The following XKR9 variants were observed in gnomAD, a reference collection of about 807,000 sequenced individuals.
XKR9 encodes the protein XK related 9, also known as XK-related protein 9.
A neutral mutation model predicts 32.0 loss-of-function variants in XKR9; 32 were observed. The observed-to-expected ratio is 1.00, with a 90% CI of 0.76 to 1.34. XKR9 has a LOEUF of 1.34. XKR9 is among the 40% of genes most tolerant of loss of function. The pLI is 0.00. For missense variants in XKR9, 546 were observed against 429.7 expected (o/e 1.27, Z -2.39); for synonymous variants, 168 against 143.4 (o/e 1.17, Z -1.22).
At chr8:71,009,131 G>A in the XKR9 span, among the ~76,000 whole-genome samples, 2 of 152,080 alleles carry the variant, frequency 1.3e-5, no homozygotes, top group Admixed American at 1.3e-4. Flanking sequence ...GGGATGTGGG[G>A]TCTTGGTGGG....
At chr8:70,899,861 T>C in the XKR9 span, among the ~76,000 whole-genome samples, 1 of 152,232 alleles carries the variant, frequency 6.6e-6, no homozygotes, top group Admixed American at 6.5e-5. Flanking sequence ...ATTTTGTTGC[T>C]AATAACAAAG....
the XKR9 span, among the ~76,000 whole-genome samples, chr8:70,933,868 T>C: frequency 6.6e-6 from 1 of 152,174 alleles, no homozygotes; most frequent in East Asian, 1.9e-4. Flanking sequence ...GGAACTACCA[T>C]TTATGGAGCA....
chr8:70,903,880 C>G, the XKR9 span, among the ~76,000 whole-genome samples: 1,460 of 152,026 alleles, frequency 9.6e-3, 23 homozygotes, highest in Non-Finnish European at 0.016. Context: ...TTATTTGTGC[C>G]TTCATTTCAT....
At chr8:70,951,902 A>G in the XKR9 span, among the ~76,000 whole-genome samples, 1 of 143,188 alleles carries the variant, frequency 7.0e-6, no homozygotes, top group Non-Finnish European at 1.5e-5. Context: ...GGACCCCCCC[A>G]GTGCCCAGAC....
chr8:70,976,680 T>C, the XKR9 span, among the ~76,000 whole-genome samples: 77 of 152,332 alleles, frequency 5.1e-4, 1 homozygote, highest in African/African-American at 1.8e-3. Context: ...TAAAATTCTC[T>C]TTTTTTGTTA....
chr8:70,766,035 T>G (rs1471887812), intron 2 of XKR9, among the ~76,000 whole-genome samples: 3 of 152,138 alleles, frequency 2.0e-5, no homozygotes, highest in Non-Finnish European at 2.9e-5. Flanking sequence ...AGTCAGGTAG[T>G]GTGATGCCTC....
At chr8:70,997,940 C>A in the XKR9 span, among the ~76,000 whole-genome samples, 13 of 152,218 alleles carry the variant, frequency 8.5e-5, no homozygotes, top group South Asian at 2.5e-3. Context: ...ATATTTTAGG[C>A]CATTTGGTGA....
chr8:70,970,394 A>G, the XKR9 span, among the ~76,000 whole-genome samples: 1 of 149,932 alleles, frequency 6.7e-6, no homozygotes, highest in African/African-American at 2.5e-5. Context: ...AGGTATACAC[A>G]TGTCATGGTG....
At chr8:70,777,781 C>G (rs556922959) in intron 2 of XKR9, among the ~76,000 whole-genome samples, 2 of 152,070 alleles carry the variant, frequency 1.3e-5, no homozygotes, top group Non-Finnish European at 2.9e-5. Context: ...TGTTCATATC[C>G]TTTGCCCAAT....
downstream of XKR9, among the ~76,000 whole-genome samples, chr8:70,792,162 A>G (rs764566033): frequency 6.6e-6 from 1 of 152,152 alleles, no homozygotes; most frequent in Non-Finnish European, 1.5e-5. Flanking sequence ...AGAGTACAAT[A>G]GCTTACAAAA....
the XKR9 span, among the ~76,000 whole-genome samples, chr8:71,053,693 A>G: frequency 6.6e-6 from 1 of 152,218 alleles, no homozygotes; most frequent in South Asian, 2.1e-4. Flanking sequence ...GTCAAAGGAC[A>G]GAGGTTATTC....
At chr8:71,034,876 C>G in the XKR9 span, among the ~76,000 whole-genome samples, 3 of 152,202 alleles carry the variant, frequency 2.0e-5, no homozygotes, top group South Asian at 6.2e-4. Context: ...GAAATAGTCA[C>G]TGGAATATCT....
At chr8:70,696,179 T>C (rs1586824313) in intron 3 of XKR9, among the ~76,000 whole-genome samples, 3 of 152,146 alleles carry the variant, frequency 2.0e-5, no homozygotes, top group Admixed American at 6.5e-5. Flanking sequence ...AGAAGCTCTT[T>C]AGTTTAATTA....
the XKR9 span, among the ~76,000 whole-genome samples, chr8:70,997,647 A>G: frequency 6.6e-6 from 1 of 152,178 alleles, no homozygotes; most frequent in Non-Finnish European, 1.5e-5. Flanking sequence ...ATAGAAGGCT[A>G]CACACTGGGT....
At chr8:71,017,134 G>A in the XKR9 span, among the ~76,000 whole-genome samples, 1 of 152,102 alleles carries the variant, frequency 6.6e-6, no homozygotes, top group African/African-American at 2.4e-5. Context: ...CTTTTCAGTA[G>A]TATTTTATGT....
At chr8:71,047,533 T>G in the XKR9 span, among the ~76,000 whole-genome samples, 2 of 152,270 alleles carry the variant, frequency 1.3e-5, no homozygotes, top group African/African-American at 4.8e-5. Context: ...TATCTTCTCA[T>G]ACTGCAAGTC....
intron 4 of XKR9, among the ~76,000 whole-genome samples, chr8:70,721,283 T>A (rs1164012233): frequency 6.6e-6 from 1 of 152,178 alleles, no homozygotes; most frequent in Non-Finnish European, 1.5e-5. Flanking sequence ...TTGAACGGTT[T>A]TTCGTTTCTC....
At chr8:70,686,595 C>T (rs1441370224) in intron 3 of XKR9, among the ~76,000 whole-genome samples, 1 of 151,954 alleles carries the variant, frequency 6.6e-6, no homozygotes, top group African/African-American at 2.4e-5. Flanking sequence ...AGGCATGTGC[C>T]ACCATGCCTG....
chr8:70,741,197 G>A (rs1282647976), intron 2 of XKR9, among the ~76,000 whole-genome samples: 2 of 152,126 alleles, frequency 1.3e-5, no homozygotes, highest in Non-Finnish European at 2.9e-5. Context: ...TGGGGACTTT[G>A]GGCAGTATTT....
Sources: gnomAD v4.1 joint callset for allele counts (sites outside exome capture counted in the v4.1 genomes callset) on GRCh38, gnomAD v4.1.1 for gene constraint, MANE v1.5 for transcripts, NCBI Gene and HGNC (gene_info 2026-07-23, HGNC 2026-07-21) for gene names.